Variants in GALNTL6 observed in about 807,000 individuals in gnomAD.
The protein encoded by GALNTL6 is polypeptide N-acetylgalactosaminyltransferase-like 6.
In GALNTL6, 46 loss-of-function variants were observed where a neutral mutation model predicts 73.7. That is an observed-to-expected ratio of 0.62 (90% CI 0.49 to 0.80). The LOEUF is 0.80. Ranked by LOEUF, GALNTL6 falls within the 30% of genes least tolerant of loss-of-function variation. GALNTL6 has a pLI of 0.00. For synonymous variants in GALNTL6, 259 were observed against 263.7 expected (o/e 0.98, Z 0.17); for missense variants, 604 against 755.0 (o/e 0.80, Z 2.34).
chr4:172,663,215 A>G (rs1731473604), intron 5 of GALNTL6, among the ~76,000 whole-genome samples: 1 of 152,210 alleles, frequency 6.6e-6, no homozygotes, highest in African/African-American at 2.4e-5. Context: ...GATCTGAACT[A>G]TAATAGTATC....
intron 5 of GALNTL6, among the ~76,000 whole-genome samples, chr4:172,471,805 A>G (rs550624587): frequency 1.3e-5 from 2 of 152,362 alleles, no homozygotes; most frequent in South Asian, 4.1e-4. Context: ...GTAAGAGCTC[A>G]CTATTTATTA....
chr4:172,394,119 G>A (rs1743762436), intron 5 of GALNTL6, among the ~76,000 whole-genome samples: 2 of 151,938 alleles, frequency 1.3e-5, no homozygotes, highest in Admixed American at 6.6e-5. Flanking sequence ...AAATTTTGTT[G>A]AGTTTCTTTA....
At chr4:172,100,361 G>A (rs1458999711) in intron 2 of GALNTL6, among the ~76,000 whole-genome samples, 1 of 152,020 alleles carries the variant, frequency 6.6e-6, no homozygotes, top group African/African-American at 2.4e-5. Context: ...TGTTAACTGA[G>A]TTTCAGTTGC....
intron 11 of GALNTL6, among the ~76,000 whole-genome samples, chr4:173,018,874 G>C (rs1269433081): frequency 1.2e-4 from 19 of 152,236 alleles, no homozygotes; most frequent in Admixed American, 1.2e-3. Flanking sequence ...TTATTCTCTA[G>C]GGGTTATGTG....
intron 9 of GALNTL6, among the ~76,000 whole-genome samples, chr4:172,943,560 A>G (rs546951327): frequency 3.3e-5 from 5 of 152,346 alleles, no homozygotes; most frequent in Admixed American, 1.3e-4. Flanking sequence ...TTTCATCAGC[A>G]ACATTCAGAC....
chr4:171,870,773 G>A (rs1211948926), intron 2 of GALNTL6, among the ~76,000 whole-genome samples: 8 of 152,152 alleles, frequency 5.3e-5, no homozygotes, highest in Non-Finnish European at 2.9e-5. Flanking sequence ...TGGAGGGGAG[G>A]TCTATGCTGA....
intron 10 of GALNTL6, among the ~76,000 whole-genome samples, chr4:173,005,539 A>G (rs1373320566): frequency 6.6e-6 from 1 of 151,898 alleles, no homozygotes; most frequent in African/African-American, 2.4e-5. Flanking sequence ...AAAAAAATAT[A>G]TTATTAGCGT....
chr4:172,794,679 A>G (rs1337932506), intron 5 of GALNTL6, among the ~76,000 whole-genome samples: 1 of 152,218 alleles, frequency 6.6e-6, no homozygotes, highest in African/African-American at 2.4e-5. Context: ...TACATTGACA[A>G]AGTACGAATC....
intron 5 of GALNTL6, among the ~76,000 whole-genome samples, chr4:172,724,653 TA>T (rs564156332): frequency 1.7e-4 from 26 of 152,264 alleles, no homozygotes; most frequent in South Asian, 1.5e-3. Flanking sequence ...TACATTTGTA[TA>T]AAAATTAATT....
At chr4:172,794,739 A>G (rs998982849) in intron 5 of GALNTL6, among the ~76,000 whole-genome samples, 1 of 152,232 alleles carries the variant, frequency 6.6e-6, no homozygotes, top group Admixed American at 6.5e-5. Context: ...CTGTGCTCAC[A>G]ATTAGACCTG....
At chr4:172,392,002 T>C (rs1275060999) in intron 5 of GALNTL6, among the ~76,000 whole-genome samples, 1 of 152,160 alleles carries the variant, frequency 6.6e-6, no homozygotes, top group Non-Finnish European at 1.5e-5. Context: ...GTTTTTTTTT[T>C]CTTTGAGATG....
intron 4 of GALNTL6, among the ~76,000 whole-genome samples, chr4:172,331,892 A>G (rs889655818): frequency 1.3e-5 from 2 of 152,232 alleles, no homozygotes; most frequent in Non-Finnish European, 2.9e-5. Flanking sequence ...TCCCCAAAAA[A>G]GAGATTGCAG....
intron 2 of GALNTL6, among the ~76,000 whole-genome samples, chr4:171,914,206 G>T (rs1049029603): frequency 6.6e-6 from 1 of 152,030 alleles, no homozygotes; most frequent in Non-Finnish European, 1.5e-5. Context: ...GTTGCTAGTT[G>T]GGTTGTTTGC....
In GALNTL6 at chr4:172,584,424, G is replaced by T. The variant is rs182735583; in HGVS notation, c.554-224937G>T. On this transcript the variant is annotated intron_variant, in intron 5 of 12. Coordinates refer to ENST00000506823, the MANE Select transcript of GALNTL6 (RefSeq NM_001034845.3). ...AGATATAGCTAGAGAGCTGGCAGGG[G>T]TCAGATCTCAGAGAGCTAATAAAGT... is the stretch of plus-strand genomic sequence containing the variant. Among the ~76,000 whole-genome samples the T allele has an allele frequency of 1.4e-3, 217 of 152,268 alleles. 2 individuals are homozygous for T. Among genetic ancestry groups the T allele is most frequent in the Non-Finnish European group, 1.6e-4 (11 of 68,012 alleles).
At chr4:172,027,433 G>A (rs1391012281) in intron 2 of GALNTL6, among the ~76,000 whole-genome samples, 2 of 151,818 alleles carry the variant, frequency 1.3e-5, no homozygotes, top group African/African-American at 4.8e-5. Context: ...ATTGTTTTGG[G>A]GTACCACAAA....
chr4:172,096,229 A>T (rs1282222293), intron 2 of GALNTL6, among the ~76,000 whole-genome samples: 1 of 151,940 alleles, frequency 6.6e-6, no homozygotes, highest in Admixed American at 6.6e-5. Flanking sequence ...TCAGCCTCCC[A>T]AATAGCTAGG....
chr4:171,921,638 C>T (rs1238565226), intron 2 of GALNTL6, among the ~76,000 whole-genome samples: 3 of 152,056 alleles, frequency 2.0e-5, no homozygotes, highest in Admixed American at 6.6e-5. Context: ...CTATGAAATT[C>T]GTCAATTGAT....
intron 11 of GALNTL6, among the ~76,000 whole-genome samples, chr4:173,020,270 G>T (rs963921434): frequency 1.3e-5 from 2 of 152,172 alleles, no homozygotes; most frequent in African/African-American, 4.8e-5. Flanking sequence ...ACATTGTAAA[G>T]CCAACTTAGT....
intron 7 of GALNTL6, among the ~76,000 whole-genome samples, chr4:172,842,298 A>T (rs1365617689): frequency 6.6e-6 from 1 of 152,194 alleles, no homozygotes. Context: ...ACACATCAGA[A>T]ATGTAGAAGA....
Sources: allele counts gnomAD v4.1 joint callset (sites outside exome capture counted in the v4.1 genomes callset), GRCh38; gene constraint gnomAD v4.1.1; transcripts MANE v1.5; gene names NCBI Gene and HGNC (gene_info 2026-07-23, HGNC 2026-07-21).